PRKN: variants seen among roughly 807,000 people sequenced by gnomAD.
The protein encoded by PRKN is E3 ubiquitin-protein ligase parkin.
In PRKN, 56 loss-of-function variants were observed where a neutral mutation model predicts 59.5. The ratio of observed to expected loss-of-function variants is 0.94; its 90% CI spans 0.76 to 1.18. The LOEUF (loss-of-function observed/expected upper bound fraction) is 1.18, where lower values mean the gene tolerates loss of function less well. PRKN is among the 50% of genes most tolerant of loss of function. The pLI, the probability that PRKN is intolerant of heterozygous loss-of-function variation, is 0.00. For synonymous variants in PRKN, 250 were observed against 222.1 expected, an observed-to-expected ratio of 1.13 and a Z score of -1.12; for missense variants, 657 against 596.4, an observed-to-expected ratio of 1.10 and a Z score of -1.06.
intron 1 of PRKN, among the ~76,000 whole-genome samples, chr6:162,492,380 G>C (rs901693034): frequency 6.6e-6 from 1 of 152,190 alleles, no homozygotes; most frequent in African/African-American, 2.4e-5. Context: ...AGTGCCTAGG[G>C]GAGCACAGCT....
At chr6:161,957,415 T>C (rs567523552) in intron 6 of PRKN, among the ~76,000 whole-genome samples, 9 of 128,036 alleles carry the variant, frequency 7.0e-5, no homozygotes, top group Non-Finnish European at 1.5e-4. Flanking sequence ...TGTTGTTTTT[T>C]TTTTGTTTGT....
intron 1 of PRKN, among the ~76,000 whole-genome samples, chr6:162,468,486 T>C (rs1025918378): frequency 2.6e-5 from 4 of 152,142 alleles, no homozygotes; most frequent in African/African-American, 7.2e-5. Context: ...ATATCATTTC[T>C]AAACTGTTCG....
intron 1 of PRKN, among the ~76,000 whole-genome samples, chr6:162,663,649 C>T (rs149460058): frequency 2.0e-5 from 3 of 152,092 alleles, no homozygotes; most frequent in East Asian, 3.9e-4. Flanking sequence ...GGAAAAGAGA[C>T]GACAAGAGGA....
intron 4 of PRKN, among the ~76,000 whole-genome samples, chr6:162,098,570 C>A (rs1189673796): frequency 6.6e-6 from 1 of 152,166 alleles, no homozygotes; most frequent in Non-Finnish European, 1.5e-5. Context: ...TCTTCATCAA[C>A]ATTTATTTGT....
intron 6 of PRKN, among the ~76,000 whole-genome samples, chr6:161,922,083 G>A (rs1778805281): frequency 3.3e-5 from 5 of 152,124 alleles, no homozygotes. Flanking sequence ...AGAAAATTAA[G>A]TTACATACAA....
intron 2 of PRKN, among the ~76,000 whole-genome samples, chr6:162,378,440 T>A (rs1415497348): frequency 1.3e-5 from 2 of 152,228 alleles, no homozygotes; most frequent in Admixed American, 1.3e-4. Context: ...GGTGGGCCCC[T>A]GGGGGCCTGA....
rs774538391 is a variant in PRKN, at chr6:162,727,717, C to T, written c.-49G>A. On this transcript the variant is annotated 5_prime_UTR_variant, in exon 1 of 12. Coordinates refer to ENST00000366898, the MANE Select transcript of PRKN (RefSeq NM_004562.3). ...CGGGCCAGGAACAGGCCCATGCGCGCAGCGGCGCCAGCCGCGCCTCCCACC... is the reference window on the plus strand; with the variant it reads ...CGGGCCAGGAACAGGCCCATGCGCGTAGCGGCGCCAGCCGCGCCTCCCACC... 3.8e-5 allele frequency: 59 copies of T among 1,547,504 alleles called. No individual in the cohort carries two copies. The highest frequency in any genetic ancestry group is 5.5e-5 in the African/African-American group (4 of 72,846).
At chr6:162,236,015 AAGAAAG>A in intron 3 of PRKN, among the ~76,000 whole-genome samples, 1 of 145,658 alleles carries the variant, frequency 6.9e-6, no homozygotes, top group Non-Finnish European at 1.5e-5. Context: ...GAAAGAAAGA[AAGAAAG>A]AAACTCCTCA....
intron 7 of PRKN, among the ~76,000 whole-genome samples, chr6:161,683,677 G>A (rs546529772): frequency 7.2e-5 from 11 of 152,276 alleles, no homozygotes; most frequent in Non-Finnish European, 1.3e-4. Context: ...CTGTCCTTGG[G>A]TACATGGAAA....
intron 9 of PRKN, among the ~76,000 whole-genome samples, chr6:161,421,511 G>A (rs916626330): frequency 1.3e-5 from 2 of 152,304 alleles, no homozygotes; most frequent in Non-Finnish European, 2.9e-5. Flanking sequence ...GGTGGATAGA[G>A]AGTATGTTGT....
At chr6:162,663,327 GGAGGTGATAACCT>G (rs1306698186) in intron 1 of PRKN, among the ~76,000 whole-genome samples, 1 of 151,932 alleles carries the variant, frequency 6.6e-6, no homozygotes, top group East Asian at 1.9e-4. Flanking sequence ...TTCTAAGCAA[GGAGGTGATAACCT>G]GACCACTGTA....
intron 1 of PRKN, among the ~76,000 whole-genome samples, chr6:162,601,515 C>T (rs1781710638): frequency 6.6e-6 from 1 of 152,130 alleles, no homozygotes; most frequent in Admixed American, 6.6e-5. Flanking sequence ...ACAAGTACTT[C>T]CGTGGACATA....
rs968139922 is a variant in PRKN at position 162,257,148 on chromosome 6, A to G, written c.412+5377T>C. Reference sequence around the variant, plus strand: ...ACTCCTTCCCGCTCTATTTCATGACATGTCTCCTCTCCTTTTGGAAGCATA... The same window carrying G: ...ACTCCTTCCCGCTCTATTTCATGACGTGTCTCCTCTCCTTTTGGAAGCATA... On this transcript the variant is annotated intron_variant, in intron 3 of 11. Coordinates refer to ENST00000366898, the MANE Select transcript of PRKN (RefSeq NM_004562.3). Among the ~76,000 whole-genome samples the G allele has an allele frequency of 5.3e-5, 8 of 152,212 alleles. No individual in the cohort carries two copies. In the South Asian group the frequency reaches 6.2e-4, roughly 12 times the overall value.
chr6:162,570,322 T>C (rs1780268455), intron 1 of PRKN, among the ~76,000 whole-genome samples: 1 of 152,078 alleles, frequency 6.6e-6, no homozygotes, highest in African/African-American at 2.4e-5. Flanking sequence ...GCTGTCAAGG[T>C]TGTGGAGAAA....
rs557088039 is a variant in PRKN at position 162,037,358 on chromosome 6, T to C, written c.618+16733A>G. ...TGATATGGATAATGAGCACATTATA[T>C]GAAGTAAAAGATGCAAGTTATAAAA... On this transcript the variant is annotated intron_variant, in intron 5 of 11. Coordinates refer to ENST00000366898, the MANE Select transcript of PRKN (RefSeq NM_004562.3). 1.5e-4 allele frequency among the ~76,000 whole-genome samples: 23 copies of C among 152,274 alleles called. No individual in the cohort carries two copies. In the South Asian group the frequency reaches 4.4e-3, roughly 29 times the overall value.
At chr6:162,598,734 T>C (rs1191798787) in intron 1 of PRKN, among the ~76,000 whole-genome samples, 2 of 151,150 alleles carry the variant, frequency 1.3e-5, no homozygotes, top group Non-Finnish European at 2.9e-5. Flanking sequence ...ATGCCTGTAA[T>C]CCCAGTTACT....
intron 1 of PRKN, among the ~76,000 whole-genome samples, chr6:162,703,452 A>G (rs1197731407): frequency 6.6e-6 from 1 of 152,210 alleles, no homozygotes; most frequent in Non-Finnish European, 1.5e-5. Flanking sequence ...TGATATTTCT[A>G]AACACCTGGA....
chr6:162,526,315 G>T, intron 1 of PRKN, among the ~76,000 whole-genome samples: 2 of 136,424 alleles, frequency 1.5e-5, no homozygotes, highest in Middle Eastern at 4.1e-3. Flanking sequence ...ATCATTAGAA[G>T]TAAAAAAAAA....
At chr6:162,057,768 T>C (rs1015016463) in intron 4 of PRKN, among the ~76,000 whole-genome samples, 4 of 152,242 alleles carry the variant, frequency 2.6e-5, no homozygotes, top group Non-Finnish European at 2.9e-5. Context: ...TTCTAAAATA[T>C]GACAGGAGCA....
Sources: allele counts gnomAD v4.1 joint callset (sites outside exome capture counted in the v4.1 genomes callset), GRCh38; gene constraint gnomAD v4.1.1; transcripts MANE v1.5; gene names NCBI Gene and HGNC (gene_info 2026-07-23, HGNC 2026-07-21).